The following MRPS28 variants were observed in gnomAD, a reference collection of about 807,000 sequenced individuals.
MRPS28 encodes small ribosomal subunit protein bS1m.
A neutral mutation model predicts 10.8 loss-of-function variants in MRPS28; 7 were observed. The observed-to-expected ratio is 0.65, with a 90% CI of 0.37 to 1.22. The LOEUF is 1.22. MRPS28 is among the 50% of genes most tolerant of loss of function. MRPS28 has a pLI of 0.02. For missense variants in MRPS28, 265 were observed against 232.9 expected, an observed-to-expected ratio of 1.14 and a Z score of -0.90; for synonymous variants, 121 against 93.3, an observed-to-expected ratio of 1.30 and a Z score of -1.71.
rs146527812 is a variant in MRPS28 at position 79,952,279 on chromosome 8, T to C, written c.396-33131A>G. 9.1e-3 allele frequency among the ~76,000 whole-genome samples: 1,388 copies of C among 152,326 alleles called. 9 individuals are homozygous for C. Among genetic ancestry groups the C allele is most frequent in the Admixed American group, 0.012 (182 of 15,298 alleles). Reference sequence around the variant, plus strand: ...TCATATCGATTGAGAAGTACTATCATGACAGATTTAACAAGGAATATTAGA... The same window carrying C: ...TCATATCGATTGAGAAGTACTATCACGACAGATTTAACAAGGAATATTAGA... On this transcript the variant is annotated intron_variant, in intron 2 of 2. Transcript: ENST00000276585.
At chr8:80,014,326 A>G (rs987579121) in intron 1 of MRPS28, among the ~76,000 whole-genome samples, 21 of 152,232 alleles carry the variant, frequency 1.4e-4, no homozygotes, top group Admixed American at 9.8e-4. Flanking sequence ...TAAAAAAATC[A>G]AACAAATTGT....
intron 1 of MRPS28, among the ~76,000 whole-genome samples, chr8:80,004,237 A>G (rs1808757349): frequency 6.6e-6 from 1 of 152,200 alleles, no homozygotes; most frequent in East Asian, 1.9e-4. Flanking sequence ...GGCACCCCCA[A>G]GTAGGGGCAG....
intron 1 of MRPS28, among the ~76,000 whole-genome samples, chr8:80,016,898 G>A (rs543911409): frequency 6.6e-6 from 1 of 152,190 alleles, no homozygotes; most frequent in Non-Finnish European, 1.5e-5. Context: ...GATCCAGCAG[G>A]GAGAAAATCA....
At chr8:80,022,771 A>T in intron 1 of MRPS28, among the ~76,000 whole-genome samples, 1 of 152,230 alleles carries the variant, frequency 6.6e-6, no homozygotes, top group East Asian at 1.9e-4. Flanking sequence ...TAAAGTGATT[A>T]AAAGAGAAAA....
chr8:79,979,915 C>CCA lies in MRPS28; in HGVS notation c.395+23083_395+23084insTG, dbSNP rs1807907109. On this transcript the variant is annotated intron_variant, in intron 2 of 2. Coordinates refer to ENST00000276585, the MANE Select transcript of MRPS28 (RefSeq NM_014018.3). ...GCCACTAACATTCAGGATTCTCACG[C>CCA]AAAAAAAAAAAAAAAAAAAAAAAAA... Among the ~76,000 whole-genome samples, 2 of 31,336 alleles carry CCA rather than the reference C, an allele frequency of 6.4e-5. 1 individual carries two copies. The allele number at this position is 31,336 out of a possible 152,430, so 20.6% of individuals were successfully genotyped here.
chr8:80,028,130 C>T (rs1417721431), intron 1 of MRPS28, among the ~76,000 whole-genome samples: 3 of 152,226 alleles, frequency 2.0e-5, no homozygotes, highest in East Asian at 3.8e-4. Context: ...GTTTCAAACA[C>T]TTAACTTACT....
intron 2 of MRPS28, among the ~76,000 whole-genome samples, chr8:79,988,033 C>G (rs1808243836): frequency 1.3e-5 from 2 of 151,540 alleles, no homozygotes; most frequent in African/African-American, 4.9e-5. Context: ...AAATGTCCAA[C>G]AATGATAGAC....
At chr8:80,006,403 G>A (rs1250140264) in intron 1 of MRPS28, among the ~76,000 whole-genome samples, 2 of 151,542 alleles carry the variant, frequency 1.3e-5, no homozygotes, top group Non-Finnish European at 3.0e-5. Flanking sequence ...CAAAATGAAC[G>A]CAGAAATAAC....
At chr8:79,935,736 A>G (rs1052968200) in intron 2 of MRPS28, among the ~76,000 whole-genome samples, 6 of 152,226 alleles carry the variant, frequency 3.9e-5, no homozygotes, top group Admixed American at 3.3e-4. Flanking sequence ...AAGAAGTTAT[A>G]AACTAAATGT....
chr8:80,006,043 T>C (rs1426346335), intron 1 of MRPS28, among the ~76,000 whole-genome samples: 1 of 152,130 alleles, frequency 6.6e-6, no homozygotes, highest in Non-Finnish European at 1.5e-5. Flanking sequence ...ATGGGAGACT[T>C]TAACACCCCA....
chr8:79,960,514 G>T lies in MRPS28; in HGVS notation c.396-41366C>A, dbSNP rs560562809. 8.5e-5 allele frequency among the ~76,000 whole-genome samples: 13 copies of T among 152,220 alleles called. No homozygotes were observed. The East Asian group carries it at 2.5e-3, about 29-fold the overall frequency. On this transcript the variant is annotated intron_variant, in intron 2 of 2. Transcript: ENST00000276585. ...TCAATGTATAGCAGTGTGAATGTGG[G>T]TGGGTGCATGCAGGTACCCCACAGG... is the stretch of plus-strand genomic sequence containing the variant.
intron 1 of MRPS28, among the ~76,000 whole-genome samples, chr8:80,016,628 C>T (rs958906728): frequency 1.3e-5 from 2 of 152,000 alleles, no homozygotes; most frequent in African/African-American, 4.8e-5. Context: ...AGGCAGAACA[C>T]AGAGAAGGAA....
At chr8:80,025,213 G>A (rs1809464995) in intron 1 of MRPS28, among the ~76,000 whole-genome samples, 1 of 152,172 alleles carries the variant, frequency 6.6e-6, no homozygotes, top group Non-Finnish European at 1.5e-5. Context: ...TCAACATGCA[G>A]TTATGATAAA....
At chr8:79,936,961 A>G (rs1442166353) in intron 2 of MRPS28, among the ~76,000 whole-genome samples, 1 of 152,110 alleles carries the variant, frequency 6.6e-6, no homozygotes, top group Non-Finnish European at 1.5e-5. Context: ...CCTGGGTTCA[A>G]GCGATTCTCC....
chr8:80,018,028 G>A (rs945303376), intron 1 of MRPS28, among the ~76,000 whole-genome samples: 6 of 152,046 alleles, frequency 3.9e-5, no homozygotes, highest in South Asian at 2.1e-4. Context: ...ATAATCTCAC[G>A]CCTATAATCC....
chr8:80,012,677 T>C (rs1809085957), intron 1 of MRPS28, among the ~76,000 whole-genome samples: 1 of 152,244 alleles, frequency 6.6e-6, no homozygotes, highest in African/African-American at 2.4e-5. Flanking sequence ...CCTGCTATTC[T>C]GCTGTACTAT....
chr8:80,002,607 A>C (rs1344101184), intron 2 of MRPS28, among the ~76,000 whole-genome samples: 1 of 152,216 alleles, frequency 6.6e-6, no homozygotes, highest in Non-Finnish European at 1.5e-5. Flanking sequence ...AATAATCCTA[A>C]AAATAGATGC....
chr8:79,964,581 A>G (rs1041415264), intron 2 of MRPS28, among the ~76,000 whole-genome samples: 1 of 152,098 alleles, frequency 6.6e-6, no homozygotes, highest in Non-Finnish European at 1.5e-5. Context: ...ACCAATTACT[A>G]GCTGTATGAT....
In MRPS28 at chr8:79,919,168, A is replaced by G; in HGVS notation, c.396-20T>C. 1 of 1,542,262 alleles carries G rather than the reference A, an allele frequency of 6.5e-7. No individual in the cohort carries two copies. Among genetic ancestry groups the G allele is most frequent in the Non-Finnish European group, 8.7e-7 (1 of 1,149,764 alleles). On this transcript the variant is annotated intron_variant, in intron 2 of 2. Transcript: ENST00000276585. ...TATTTCCTAAATAGTTAAAAAAAAA[A>G]AAATCCATTAATTCTGAATATCATA...
Sources: allele counts gnomAD v4.1 joint callset (sites outside exome capture counted in the v4.1 genomes callset), GRCh38; gene constraint gnomAD v4.1.1; transcripts MANE v1.5; gene names NCBI Gene and HGNC (gene_info 2026-07-23, HGNC 2026-07-21).